Variants in CNST observed in about 807,000 individuals in gnomAD.
CNST encodes consortin, connexin sorting protein.
In CNST, 39 loss-of-function variants were observed where a neutral mutation model predicts 72.4. That is an observed-to-expected ratio of 0.54 (90% confidence interval 0.42 to 0.70). CNST has a LOEUF of 0.70. Among genes scored for constraint, CNST ranks in the 30% least tolerant of loss-of-function variants. The probability of loss-of-function intolerance (pLI) is 0.00; values close to 1 mark genes in which losing one functional copy is unlikely to be tolerated. For synonymous variants in CNST, 332 were observed against 320.1 expected (o/e 1.04, Z -0.40); for missense variants, 871 against 868.5 (o/e 1.00, Z -0.04).
chr1:246,634,421 C>T (rs1189667231), intron 5 of CNST, 52 bp from the exon 6 acceptor site: 3 of 1,050,288 alleles, frequency 2.9e-6, no homozygotes, highest in Non-Finnish European at 4.2e-6. Flanking sequence ...TGTTTTTTTG[C>T]TCCTAAATAT....
chr1:246,635,208 G>A (rs67139189), intron 6 of CNST, among the ~76,000 whole-genome samples: 41,444 of 150,670 alleles, frequency 0.28, 6,484 homozygotes, highest in East Asian at 0.67. Flanking sequence ...TGGGCACCTC[G>A]GAAAAAAAGA....
intron 2 of CNST, among the ~76,000 whole-genome samples, chr1:246,601,655 G>A (rs142583925): frequency 3.3e-4 from 50 of 152,164 alleles, no homozygotes; most frequent in African/African-American, 1.1e-3. Context: ...TTAGCTGGGC[G>A]TGGTGGCACA....
intron 2 of CNST, among the ~76,000 whole-genome samples, chr1:246,602,535 C>G (rs143211812): frequency 6.6e-5 from 10 of 152,266 alleles, no homozygotes; most frequent in East Asian, 5.8e-4. Context: ...GGCTAGCAGT[C>G]AAAGAGAGAG....
At position 246,666,097 on chromosome 1, in the gene CNST, A is replaced by G. The variant is rs1005906321; in HGVS notation, c.*192A>G. 5 of 568,958 alleles carry G rather than the reference A, an allele frequency of 8.8e-6. No individual in the cohort carries two copies. The highest frequency in any genetic ancestry group is 7.5e-5 in the African/African-American group (4 of 53,402). 35.2% of individuals were successfully genotyped at this position (568,958 alleles called of 1,614,324 possible). On this transcript the variant is annotated 3_prime_UTR_variant, in exon 11 of 11. Transcript: ENST00000366513. Reference sequence around the variant, plus strand: ...AATCCACACAGTGAGGCAAATATCAATCTAAGCATTGTGGATGGAAGGAAT... The same window carrying G: ...AATCCACACAGTGAGGCAAATATCAGTCTAAGCATTGTGGATGGAAGGAAT...
intron 3 of CNST, among the ~76,000 whole-genome samples, chr1:246,623,277 C>T (rs1258468225): frequency 6.6e-6 from 1 of 152,160 alleles, no homozygotes; most frequent in Non-Finnish European, 1.5e-5. Flanking sequence ...TTTACATAAA[C>T]ATGCTCTTTG....
chr1:246,594,256 C>T (rs796647246), intron 2 of CNST, among the ~76,000 whole-genome samples: 73 of 152,194 alleles, frequency 4.8e-4, no homozygotes, highest in African/African-American at 1.6e-3. Flanking sequence ...TTCAAGTGAT[C>T]CTTTTATCTC....
chr1:246,575,929 T>A (rs1296093940), intron 1 of CNST, among the ~76,000 whole-genome samples: 1 of 152,038 alleles, frequency 6.6e-6, no homozygotes, highest in African/African-American at 2.4e-5. Flanking sequence ...CATTCTCATA[T>A]AAGATTTCAG....
intron 2 of CNST, among the ~76,000 whole-genome samples, chr1:246,613,340 G>A (rs181414205): frequency 6.6e-6 from 1 of 152,176 alleles, no homozygotes; most frequent in Non-Finnish European, 1.5e-5. Context: ...TGTGTTGGTG[G>A]CTATGATTCC....
chr1:246,666,384 T>G lies in CNST; in HGVS notation c.*479T>G, dbSNP rs1667390905. 6.5e-6 allele frequency: 1 copy of G among 153,950 alleles called. No individual in the cohort carries two copies. The highest frequency in any genetic ancestry group is 1.5e-5 in the Non-Finnish European group (1 of 68,956). 9.5% of individuals were successfully genotyped at this position (153,950 alleles called of 1,614,324 possible). On this transcript the variant is annotated 3_prime_UTR_variant, in exon 11 of 11. Transcript: ENST00000366513. The stretch of plus-strand genomic sequence containing the variant: ...TTAGTTAACTTGGGAGCTGTGTAAT[T>G]TAGGCTTTGCGTATTATTTCACTTC...
intron 1 of CNST, among the ~76,000 whole-genome samples, chr1:246,580,727 C>T (rs1171396920): frequency 2.0e-5 from 3 of 151,978 alleles, no homozygotes; most frequent in African/African-American, 4.8e-5. Flanking sequence ...ACATTGGTGT[C>T]TTTCTGAAGG....
chr1:246,619,296 A>G (rs1170253683), intron 2 of CNST, among the ~76,000 whole-genome samples: 1 of 152,212 alleles, frequency 6.6e-6, no homozygotes, highest in Non-Finnish European at 1.5e-5. Flanking sequence ...GTTTTTAGAA[A>G]TACCCTAAAA....
chr1:246,590,446 C>G (rs977544126), intron 1 of CNST, among the ~76,000 whole-genome samples: 12 of 152,040 alleles, frequency 7.9e-5, no homozygotes, highest in Admixed American at 7.2e-4. Context: ...TTGCTTTCTC[C>G]CTTTTCGCCT....
At chr1:246,616,105 G>C (rs936513997) in intron 2 of CNST, among the ~76,000 whole-genome samples, 2 of 152,120 alleles carry the variant, frequency 1.3e-5, no homozygotes, top group Non-Finnish European at 2.9e-5. Context: ...AGAACTTTTT[G>C]TTCTTGTCTA....
intron 3 of CNST, among the ~76,000 whole-genome samples, chr1:246,630,937 G>T (rs1664738713): frequency 1.3e-5 from 2 of 151,828 alleles, no homozygotes; most frequent in Admixed American, 1.3e-4. Flanking sequence ...GTAGAGATGG[G>T]GTTTCACCGT....
intron 2 of CNST, chr1:246,605,963 C>T (rs972768673): frequency 6.6e-6 from 1 of 151,868 alleles, no homozygotes; most frequent in African/African-American, 2.4e-5. Flanking sequence ...ATTCATCCCC[C>T]CAAGCTTTCG....
At chr1:246,605,510 G>A (rs1449526662) in intron 2 of CNST, among the ~76,000 whole-genome samples, 1 of 152,146 alleles carries the variant, frequency 6.6e-6, no homozygotes, top group East Asian at 1.9e-4. Context: ...GGGTGCAGAC[G>A]GGCTGAGGCC....
At chr1:246,648,589 C>CA (rs934651382) in intron 9 of CNST, among the ~76,000 whole-genome samples, 2 of 150,270 alleles carry the variant, frequency 1.3e-5, no homozygotes, top group East Asian at 1.9e-4. Flanking sequence ...TTTGATAATA[C>CA]AAAAAAAAAG....
intron 9 of CNST, among the ~76,000 whole-genome samples, chr1:246,649,021 A>G (rs957310357): frequency 1.3e-5 from 2 of 152,238 alleles, no homozygotes; most frequent in African/African-American, 4.8e-5. Context: ...AATTCTCTAT[A>G]AACAATGACT....
chr1:246,598,961 C>T (rs1226083014), intron 2 of CNST, among the ~76,000 whole-genome samples: 2 of 152,136 alleles, frequency 1.3e-5, no homozygotes, highest in Non-Finnish European at 2.9e-5. Context: ...GATGTTCCAC[C>T]TCTTTTAAGT....
Sources: allele counts gnomAD v4.1 joint callset (sites outside exome capture counted in the v4.1 genomes callset), GRCh38; gene constraint gnomAD v4.1.1; transcripts MANE v1.5; gene names NCBI Gene and HGNC (gene_info 2026-07-23, HGNC 2026-07-21).